The following TCHP variants were observed in gnomAD, a reference collection of about 807,000 sequenced individuals.
TCHP encodes the protein trichoplein keratin filament binding.
TCHP carries 81 observed loss-of-function variants against 88.7 expected under a neutral mutation model. The observed-to-expected ratio is 0.91, with a 90% CI of 0.76 to 1.10. TCHP has a LOEUF of 1.10. TCHP is among the 50% of genes least tolerant of loss of function. The pLI is 0.00. For synonymous variants in TCHP, 232 were observed against 232.5 expected, an observed-to-expected ratio of 1.00 and a Z score of 0.02; for missense variants, 641 against 632.1, an observed-to-expected ratio of 1.01 and a Z score of -0.15.
intron 5 of TCHP, among the ~76,000 whole-genome samples, chr12:109,907,299 T>A (rs989519664): frequency 6.6e-6 from 1 of 152,238 alleles, no homozygotes; most frequent in African/African-American, 2.4e-5. Context: ...CACACCTCTG[T>A]GCACTGGTCG....
rs1254264076 is a variant in TCHP, at chr12:109,903,237, T to A, written c.188+23T>A. On this transcript the variant is annotated intron_variant, in intron 2 of 12. Coordinates refer to ENST00000405876, the MANE Select transcript of TCHP (RefSeq NM_001143852.2). This position sits in a 1 kb window ranked among gnomAD's most constrained non-coding sequence, Gnocchi z 4.6. ...GAGGTAATTGTGCGGTAACTGCCGA[T>A]TGGATGGAAGTGGGGACCACTTGCT... 1 of 1,595,464 alleles carries A rather than the reference T, an allele frequency of 6.3e-7. No homozygotes were observed. The highest frequency in any genetic ancestry group is 1.1e-5 in the South Asian group (1 of 89,020).
Position 109,903,272 on chromosome 12 carries a change from A to T in TCHP, c.188+58A>T. On this transcript the variant is annotated intron_variant, in intron 2 of 12. Transcript: ENST00000405876. The surrounding 1 kb of genome is among the most constrained non-coding windows in gnomAD (Gnocchi z 4.6). ...GTGGGGACCACTTGCTGGTCAGGGG[A>T]TGAGGCCTTAAGGATTTAGGGAGCG... is the stretch of plus-strand genomic sequence containing the variant. 4 of 1,532,082 alleles carry T rather than the reference A, an allele frequency of 2.6e-6. No homozygotes were observed. The highest frequency in any genetic ancestry group is 3.6e-6 in the Non-Finnish European group (4 of 1,117,670). 94.9% of individuals were successfully genotyped at this position (1,532,082 alleles called of 1,614,324 possible). A position where few individuals can be genotyped will look rare whatever the true frequency, so the allele number is the denominator to read the frequency against.
chr12:109,898,334 C>T (rs370671950), upstream of TCHP, among the ~76,000 whole-genome samples: 42 of 152,302 alleles, frequency 2.8e-4, 1 homozygote, highest in African/African-American at 8.7e-4. Flanking sequence ...CTCGGCCTCC[C>T]GAGTAGCTGG....
the TCHP span, among the ~76,000 whole-genome samples, chr12:109,892,301 A>G: frequency 6.6e-6 from 1 of 152,218 alleles, no homozygotes; most frequent in Non-Finnish European, 1.5e-5. Flanking sequence ...CAAGGAAGGG[A>G]CATTTACACT....
the TCHP span, among the ~76,000 whole-genome samples, chr12:109,883,555 G>A: frequency 6.6e-6 from 1 of 151,708 alleles, no homozygotes; most frequent in Non-Finnish European, 1.5e-5. Context: ...TCACTACCTC[G>A]AGCATCCTAT....
chr12:109,911,944 C>T (rs1188697756), intron 9 of TCHP, among the ~76,000 whole-genome samples: 2 of 151,794 alleles, frequency 1.3e-5, no homozygotes, highest in African/African-American at 4.8e-5. Flanking sequence ...TACAGGCGCC[C>T]GCCACCACAC....
chr12:109,910,932 T>C, intron 8 of TCHP, 131 bp from the exon 9 acceptor site: 1 of 1,320,222 alleles, frequency 7.6e-7, no homozygotes. Context: ...TTCCCATCTC[T>C]GTCTTGAGAA....
the TCHP span, among the ~76,000 whole-genome samples, chr12:109,890,189 G>C: frequency 4.0e-5 from 6 of 151,738 alleles, no homozygotes; most frequent in Non-Finnish European, 7.4e-5. Context: ...TTCTAAGGAA[G>C]CCTGACTGTG....
intron 6 of TCHP, 90 bp from the exon 7 acceptor site, chr12:109,908,496 T>C: frequency 9.2e-7 from 1 of 1,088,416 alleles, no homozygotes; most frequent in East Asian, 2.5e-5. Flanking sequence ...GTTGGTGTAG[T>C]GTCTGCGAAA....
rs376133712 is a variant in TCHP at position 109,911,107 on chromosome 12, C to T, written c.924C>T (p.Asp308=). The T allele has an allele frequency of 6.9e-6, 11 of 1,595,454 alleles. No individual in the cohort carries two copies. Among genetic ancestry groups the T allele is most frequent in the African/African-American group, 4.0e-5 (3 of 74,724 alleles). The change falls in exon 9 of 13, where the codon GAC becomes GAT. Residue 308 remains aspartate (D), a synonymous_variant. Transcript: ENST00000405876. ...TGCAGGCCCTCCTCGAGAAGGAGGA[C>T]GAGAGCCAGCGCCTCCACCTGGCCA... ...RILQALLEKE[D]ESQRLHLARR...
intron 4 of TCHP, 86 bp downstream of exon 4, chr12:109,904,879 C>G: frequency 7.7e-7 from 1 of 1,299,430 alleles, no homozygotes; most frequent in South Asian, 1.3e-5. Context: ...GTATCTTGTA[C>G]CGGGTTGAAA....
rs777582265 is a variant in TCHP at position 109,904,002 on chromosome 12, A to G, written c.254A>G (p.Glu85Gly). Residue 85 changes from glutamate to glycine, a missense_variant, in exon 3 of 13, where the codon GAA becomes GGA. By Grantham distance (98) the Glu-to-Gly change is moderately conservative. Transcript: ENST00000405876. ...AGGAGGAGTCTGGAGGCCCGACGGG[A>G]AAAGCTCAGGCAGCTCATGCAGGAG... ...EKRRSLEARR[E>G]KLRQLMQEEQ... 6.2e-6 allele frequency: 10 copies of G among 1,611,256 alleles called. No homozygotes were observed. The highest frequency in any genetic ancestry group is 4.0e-5 in the African/African-American group (3 of 74,912).
the TCHP span, among the ~76,000 whole-genome samples, chr12:109,886,200 C>G: frequency 1.3e-5 from 2 of 151,620 alleles, no homozygotes. Context: ...TGCAATGGTG[C>G]GATCTCGGCT....
At chr12:109,895,673 T>C (rs1042320135), upstream of TCHP, among the ~76,000 whole-genome samples, 1 of 152,124 alleles carries the variant, frequency 6.6e-6, no homozygotes, top group Non-Finnish European at 1.5e-5. Context: ...TGAAATGTCA[T>C]ACCTTCACAA....
upstream of TCHP, among the ~76,000 whole-genome samples, chr12:109,900,031 G>A (rs1869685815): frequency 1.3e-5 from 2 of 152,160 alleles, no homozygotes; most frequent in South Asian, 2.1e-4. Flanking sequence ...ATTCTCACGC[G>A]CAGCCAGGTT....
At chr12:109,889,688 A>G in the TCHP span, among the ~76,000 whole-genome samples, 1 of 152,216 alleles carries the variant, frequency 6.6e-6, no homozygotes, top group Non-Finnish European at 1.5e-5. Flanking sequence ...GTTAATGTAG[A>G]TAGAGCAGTT....
intron 10 of TCHP, chr12:109,914,235 T>G (rs540361878): frequency 4.3e-6 from 2 of 463,912 alleles, no homozygotes; most frequent in South Asian, 5.1e-5. Context: ...TGTCTTGGGT[T>G]GCGAGGGAAA....
chr12:109,881,138 G>T, the TCHP span, among the ~76,000 whole-genome samples: 1 of 152,172 alleles, frequency 6.6e-6, no homozygotes, highest in Non-Finnish European at 1.5e-5. Context: ...GAAAAATAGG[G>T]CCTGGAGGCA....
chr12:109,914,205 CA>C, intron 10 of TCHP: 2 of 356,506 alleles, frequency 5.6e-6, no homozygotes. Flanking sequence ...CCATAGTACA[CA>C]GTCTGGATAC....
Sources: allele counts gnomAD v4.1 joint callset (sites outside exome capture counted in the v4.1 genomes callset), GRCh38; gene constraint gnomAD v4.1.1; non-coding constraint Gnocchi (gnomAD v3.1); transcripts MANE v1.5; gene names NCBI Gene and HGNC (gene_info 2026-07-23, HGNC 2026-07-21).